The following XKR4 variants were observed in gnomAD, a reference collection of about 807,000 sequenced individuals.
XKR4 encodes the protein XK-related protein 4.
A neutral mutation model predicts 53.9 loss-of-function variants in XKR4; 12 were observed. The ratio of observed to expected loss-of-function variants is 0.22; its 90% CI spans 0.14 to 0.36. The LOEUF is 0.36. XKR4 is among the 10% of genes least tolerant of loss of function. The pLI, the probability that XKR4 is intolerant of heterozygous loss-of-function variation, is 1.00. For synonymous variants in XKR4, 354 were observed against 362.4 expected (o/e 0.98, Z 0.26); for missense variants, 799 against 859.5 (o/e 0.93, Z 0.88).
chr8:55,254,166 T>C (rs1313853741), intron 1 of XKR4, among the ~76,000 whole-genome samples: 1 of 152,022 alleles, frequency 6.6e-6, no homozygotes, highest in Non-Finnish European at 1.5e-5. Flanking sequence ...CTTCTTATGT[T>C]GTGTCAAAAA....
intron 2 of XKR4, among the ~76,000 whole-genome samples, chr8:55,358,218 ACTCTCT>A (rs547330354): frequency 6.6e-6 from 1 of 151,530 alleles, no homozygotes; most frequent in African/African-American, 2.4e-5. Context: ...GAAAGCAGTA[ACTCTCT>A]CTCTCTGTCT....
intron 1 of XKR4, among the ~76,000 whole-genome samples, chr8:55,213,856 C>CT (rs11433893): frequency 0.18 from 14,932 of 81,862 alleles, 3,100 homozygotes; most frequent in East Asian, 0.34. Context: ...TTCTTTCTTT[C>CT]TTTTTTTTTT....
At chr8:55,128,151 G>A (rs1029625189) in intron 1 of XKR4, among the ~76,000 whole-genome samples, 9 of 151,850 alleles carry the variant, frequency 5.9e-5, no homozygotes, top group Non-Finnish European at 7.4e-5. Context: ...CTGAGGAATC[G>A]CCACACTGAC....
chr8:55,426,766 A>G (rs965196998), intron 2 of XKR4, among the ~76,000 whole-genome samples: 1 of 152,244 alleles, frequency 6.6e-6, no homozygotes, highest in Non-Finnish European at 1.5e-5. Context: ...TATTTTTGCC[A>G]CCACTAATCA....
At chr8:55,245,191 G>A (rs1818268703) in intron 1 of XKR4, among the ~76,000 whole-genome samples, 1 of 152,076 alleles carries the variant, frequency 6.6e-6, no homozygotes, top group South Asian at 2.1e-4. Flanking sequence ...ACAGGCATGA[G>A]CCACCATGCC....
chr8:55,478,692 A>C (rs1280246238), intron 2 of XKR4, among the ~76,000 whole-genome samples: 1 of 152,110 alleles, frequency 6.6e-6, no homozygotes, highest in Non-Finnish European at 1.5e-5. Flanking sequence ...TCAAAATAAA[A>C]GGATGGAGGA....
intron 1 of XKR4, among the ~76,000 whole-genome samples, chr8:55,277,152 C>T (rs1335173846): frequency 6.6e-6 from 1 of 152,158 alleles, no homozygotes; most frequent in Non-Finnish European, 1.5e-5. Context: ...ACTGTAGGCT[C>T]CCACTGAGGT....
At chr8:55,117,174 A>C (rs1816321585) in intron 1 of XKR4, among the ~76,000 whole-genome samples, 1 of 152,146 alleles carries the variant, frequency 6.6e-6, no homozygotes. Flanking sequence ...GCATTATTCT[A>C]TTCTATTGGA....
intron 1 of XKR4, among the ~76,000 whole-genome samples, chr8:55,348,986 C>A (rs1181430388): frequency 2.0e-5 from 3 of 152,128 alleles, no homozygotes; most frequent in Admixed American, 2.0e-4. Context: ...AAATCAGAGT[C>A]TCAAGATGTC....
rs144463069 is a variant in XKR4 at position 55,293,731 on chromosome 8, C to T, written c.807-63947C>T. Among the ~76,000 whole-genome samples, 65 of 152,188 alleles carry T rather than the reference C, an allele frequency of 4.3e-4. 2 individuals are homozygous for T. In the East Asian group the frequency reaches 5.6e-3, roughly 13 times the overall value. ...CATTTTCCTAAAGAAAATGTTTATA[C>T]GCTAATTTTGTTTCTTTGCATAGAT... On this transcript the variant is annotated intron_variant, in intron 1 of 2. Transcript: ENST00000327381.
At chr8:55,151,665 A>C (rs1816841942) in intron 1 of XKR4, among the ~76,000 whole-genome samples, 1 of 152,196 alleles carries the variant, frequency 6.6e-6, no homozygotes, top group African/African-American at 2.4e-5. Flanking sequence ...TGAAAAAAGA[A>C]ATGTTAAATT....
At chr8:55,259,130 T>G (rs999259544) in intron 1 of XKR4, among the ~76,000 whole-genome samples, 2 of 152,178 alleles carry the variant, frequency 1.3e-5, no homozygotes, top group African/African-American at 2.4e-5. Context: ...AACTTCATAC[T>G]GGCCAAGCAC....
At chr8:55,466,544 G>C (rs1805773227) in intron 2 of XKR4, among the ~76,000 whole-genome samples, 1 of 152,008 alleles carries the variant, frequency 6.6e-6, no homozygotes, top group South Asian at 2.1e-4. Context: ...TAAATGACAA[G>C]TTAATGAGTG....
intron 1 of XKR4, among the ~76,000 whole-genome samples, chr8:55,140,705 C>T (rs1483763352): frequency 1.3e-5 from 2 of 152,150 alleles, no homozygotes; most frequent in Non-Finnish European, 2.9e-5. Context: ...CAGAGCATGG[C>T]CTGAGGGTGC....
intron 2 of XKR4, among the ~76,000 whole-genome samples, chr8:55,387,834 A>T (rs1804346827): frequency 6.6e-6 from 1 of 152,184 alleles, no homozygotes; most frequent in Non-Finnish European, 1.5e-5. Context: ...ACTGAGAGCC[A>T]AGAGGAGATG....
At chr8:55,425,317 C>T (rs1804995664) in intron 2 of XKR4, among the ~76,000 whole-genome samples, 1 of 152,188 alleles carries the variant, frequency 6.6e-6, no homozygotes, top group Non-Finnish European at 1.5e-5. Flanking sequence ...GATTTGAATG[C>T]TCACCTGGAG....
chr8:55,538,054 T>C lies in XKR4; in HGVS notation c.*13827T>C, dbSNP rs781287920. 5.9e-5 allele frequency: 9 copies of C among 152,198 alleles called. No homozygotes were observed. Among genetic ancestry groups the C allele is most frequent in the African/African-American group, 1.9e-4 (8 of 41,450 alleles). 9.4% of individuals were successfully genotyped at this position (152,198 alleles called of 1,614,324 possible). On this transcript the variant is annotated 3_prime_UTR_variant, in exon 3 of 3. Transcript: ENST00000327381. ...GAAAACCAAAAATCCATGTTGAATATAGTGACTGTCTTAAATATACTTAAA... is the reference window on the plus strand; with the variant it reads ...GAAAACCAAAAATCCATGTTGAATACAGTGACTGTCTTAAATATACTTAAA...
chr8:55,421,920 G>C (rs182199748), intron 2 of XKR4, among the ~76,000 whole-genome samples: 1 of 152,284 alleles, frequency 6.6e-6, no homozygotes, highest in Admixed American at 6.5e-5. Context: ...CTTTGTCTTC[G>C]CTAATTCAGT....
At chr8:55,401,341 T>C (rs1343156916) in intron 2 of XKR4, among the ~76,000 whole-genome samples, 1 of 152,244 alleles carries the variant, frequency 6.6e-6, no homozygotes, top group Non-Finnish European at 1.5e-5. Context: ...ATGGTTATCA[T>C]GAATCTTCAG....
Sources: gnomAD v4.1 joint callset for allele counts (sites outside exome capture counted in the v4.1 genomes callset) on GRCh38, gnomAD v4.1.1 for gene constraint, MANE v1.5 for transcripts, NCBI Gene and HGNC (gene_info 2026-07-23, HGNC 2026-07-21) for gene names.